FRMD6: variants seen among roughly 807,000 people sequenced by gnomAD.
The protein encoded by FRMD6 is FERM domain containing 6.
A neutral mutation model predicts 73.2 loss-of-function variants in FRMD6; 37 were observed. The observed-to-expected ratio is 0.51, with a 90% CI of 0.39 to 0.66. The LOEUF (loss-of-function observed/expected upper bound fraction) is 0.66, where lower values mean the gene tolerates loss of function less well. Among genes scored for constraint, FRMD6 ranks in the 30% least tolerant of loss-of-function variants. The pLI is 0.00. For synonymous variants in FRMD6, 273 were observed against 282.2 expected, an observed-to-expected ratio of 0.97 and a Z score of 0.33; for missense variants, 714 against 780.5, an observed-to-expected ratio of 0.91 and a Z score of 1.02.
At chr14:51,655,275 TA>T (rs1322866620) in intron 1 of FRMD6, among the ~76,000 whole-genome samples, 6 of 152,220 alleles carry the variant, frequency 3.9e-5, no homozygotes, top group African/African-American at 1.4e-4. Flanking sequence ...ACATTAAAAT[TA>T]TGTATTTTTA....
the FRMD6 span, among the ~76,000 whole-genome samples, chr14:51,431,454 G>T: frequency 2.6e-5 from 4 of 152,186 alleles, no homozygotes; most frequent in East Asian, 7.7e-4. Flanking sequence ...AAAGGGAAAA[G>T]TTTGAAACAT....
At chr14:51,574,151 C>A (rs138687417) in intron 2 of FRMD6, among the ~76,000 whole-genome samples, 1 of 152,250 alleles carries the variant, frequency 6.6e-6, no homozygotes, top group African/African-American at 2.4e-5. Context: ...GCCAGCCCTG[C>A]CCAGCCCTTA....
At chr14:51,721,820 A>C in intron 11 of FRMD6, 129 bp from the exon 12 acceptor site, 1 of 984,732 alleles carries the variant, frequency 1.0e-6, no homozygotes, top group East Asian at 2.6e-5. Context: ...GGAGTTTCCT[A>C]TTGGAGTCTC....
chr14:51,681,967 C>A (rs528507061), intron 1 of FRMD6, among the ~76,000 whole-genome samples: 104 of 152,228 alleles, frequency 6.8e-4, no homozygotes, highest in Middle Eastern at 6.8e-3. Flanking sequence ...ACAATAAAAG[C>A]ATATTCTGCG....
the FRMD6 span, among the ~76,000 whole-genome samples, chr14:51,481,758 C>T: frequency 7.7e-3 from 1,166 of 152,312 alleles, 16 homozygotes; most frequent in African/African-American, 0.027. Context: ...CATAGGAATA[C>T]TCTGTCACTT....
the FRMD6 span, among the ~76,000 whole-genome samples, chr14:51,420,966 C>T: frequency 2.6e-5 from 4 of 152,138 alleles, no homozygotes; most frequent in East Asian, 3.9e-4. Context: ...TTAGTAGAGA[C>T]GGGTTTCACC....
At chr14:51,410,075 T>C in the FRMD6 span, among the ~76,000 whole-genome samples, 181 of 152,364 alleles carry the variant, frequency 1.2e-3, no homozygotes, top group African/African-American at 4.0e-3. Context: ...ATCTGTCTTA[T>C]GCTTTTGTAC....
At chr14:51,586,305 G>T (rs1323518667) in intron 2 of FRMD6, among the ~76,000 whole-genome samples, 1 of 151,874 alleles carries the variant, frequency 6.6e-6, no homozygotes, top group Non-Finnish European at 1.5e-5. Context: ...ACCTCATTGT[G>T]GTTTCAATTT....
chr14:51,417,520 C>T, the FRMD6 span, among the ~76,000 whole-genome samples: 579 of 152,292 alleles, frequency 3.8e-3, 3 homozygotes, highest in African/African-American at 0.013. Flanking sequence ...CCGAGAGATC[C>T]GCTGTTAATC....
At chr14:51,453,274 TCGGGG>T in the FRMD6 span, among the ~76,000 whole-genome samples, 16 of 151,724 alleles carry the variant, frequency 1.1e-4, no homozygotes, top group Non-Finnish European at 2.2e-4. Flanking sequence ...TGGCTTTGAG[TCGGGG>T]GCTGGCAGGG....
intron 2 of FRMD6, among the ~76,000 whole-genome samples, chr14:51,591,301 A>T (rs1010835696): frequency 2.6e-5 from 4 of 152,150 alleles, no homozygotes; most frequent in Non-Finnish European, 4.4e-5. Flanking sequence ...AAACAAAAAA[A>T]AACTTTACAT....
intron 1 of FRMD6, among the ~76,000 whole-genome samples, chr14:51,507,252 G>A (rs1282620146): frequency 6.6e-6 from 1 of 152,148 alleles, no homozygotes; most frequent in Non-Finnish European, 1.5e-5. Flanking sequence ...ATCCTGGCTG[G>A]TGTGGACACT....
At position 51,708,062 on chromosome 14, in the gene FRMD6, C is replaced by A. The variant is rs756889959; in HGVS notation, c.559-16C>A. 33 of 1,611,692 alleles carry A rather than the reference C, an allele frequency of 2.0e-5. No homozygotes were observed. In the Admixed American group the frequency reaches 5.5e-4, roughly 27 times the overall value. On this transcript the variant is annotated splice_polypyrimidine_tract_variant and intron_variant, in intron 6 of 13. Transcript: ENST00000344768. ...TCCAACAAATGTTGCATTGCACACC[C>A]CTTGTATCCCAACAGGTTGTTTCCA...
Position 51,728,207 on chromosome 14 carries a change from C to G in FRMD6, c.*178C>G, listed in dbSNP as rs990010028. 1 of 614,624 alleles carries G rather than the reference C, an allele frequency of 1.6e-6. No homozygotes were observed. The highest frequency in any genetic ancestry group is 1.8e-5 in the African/African-American group (1 of 54,504). The allele number at this position is 614,624 out of a possible 1,614,324, so 38.1% of individuals were successfully genotyped here. On this transcript the variant is annotated 3_prime_UTR_variant, in exon 14 of 14. Transcript: ENST00000344768. ...GAACAATTGCACTTTAAGTATTACA[C>G]AGAAGTAAAAGAACTACAGAAAATG...
intron 2 of FRMD6, among the ~76,000 whole-genome samples, chr14:51,695,486 C>G (rs943956911): frequency 3.3e-5 from 5 of 152,002 alleles, no homozygotes; most frequent in Non-Finnish European, 5.9e-5. Flanking sequence ...AATGTGTTCT[C>G]CAGTGGTGGT....
chr14:51,459,666 A>C, the FRMD6 span, among the ~76,000 whole-genome samples: 1 of 151,830 alleles, frequency 6.6e-6, no homozygotes, highest in Non-Finnish European at 1.5e-5. Flanking sequence ...TCTCCACTAA[A>C]AATACAAAAA....
intron 5 of FRMD6, among the ~76,000 whole-genome samples, chr14:51,704,373 T>C (rs11625569): frequency 0.29 from 44,317 of 152,046 alleles, 6,771 homozygotes; most frequent in Non-Finnish European, 0.34. Flanking sequence ...GTCACGTGTG[T>C]AGCATCATTG....
chr14:51,472,785 T>A, the FRMD6 span, among the ~76,000 whole-genome samples: 1 of 152,148 alleles, frequency 6.6e-6, no homozygotes, highest in South Asian at 2.1e-4. Flanking sequence ...TTCATGTAAA[T>A]CTTTGAAATG....
chr14:51,619,877 C>T (rs2010518), intron 2 of FRMD6, among the ~76,000 whole-genome samples: 1 of 152,230 alleles, frequency 6.6e-6, no homozygotes, highest in East Asian at 1.9e-4. Flanking sequence ...ATGAACTTGA[C>T]AATAACAGAC....
Sources: allele counts gnomAD v4.1 joint callset (sites outside exome capture counted in the v4.1 genomes callset), GRCh38; gene constraint gnomAD v4.1.1; transcripts MANE v1.5; gene names NCBI Gene and HGNC (gene_info 2026-07-23, HGNC 2026-07-21).